Variants in WDFY3 observed in about 807,000 individuals in gnomAD.
The protein encoded by WDFY3 is WD repeat and FYVE domain containing 3, also known as WD repeat and FYVE domain-containing protein 3.
A neutral mutation model predicts 409.6 loss-of-function variants in WDFY3; 66 were observed. The observed-to-expected ratio is 0.16, with a 90% CI of 0.13 to 0.20. The LOEUF (loss-of-function observed/expected upper bound fraction) is 0.20. WDFY3 is among the 10% of genes least tolerant of loss of function. The pLI is 1.00. For missense variants in WDFY3, 3,031 were observed against 4,298.1 expected (o/e 0.71, Z 8.24); for synonymous variants, 1,521 against 1,537.1 (o/e 0.99, Z 0.25).
chr4:84,824,366 A>G (rs1188016135), intron 10 of WDFY3, among the ~76,000 whole-genome samples: 1 of 152,140 alleles, frequency 6.6e-6, no homozygotes, highest in Non-Finnish European at 1.5e-5. Context: ...ATTCAACTTT[A>G]TCATATGTAT....
intron 30 of WDFY3, among the ~76,000 whole-genome samples, chr4:84,767,839 T>C (rs932733207): frequency 6.6e-6 from 1 of 151,876 alleles, no homozygotes; most frequent in Non-Finnish European, 1.5e-5. Flanking sequence ...TAACAGAACA[T>C]TAGGGAGGCT....
chr4:84,931,099 A>G (rs565337533), intron 2 of WDFY3, among the ~76,000 whole-genome samples: 46 of 152,290 alleles, frequency 3.0e-4, no homozygotes, highest in African/African-American at 1.1e-3. Flanking sequence ...CATAGTATAC[A>G]TAGGGTTCCC....
In WDFY3 at chr4:84,794,679, T is replaced by C; in HGVS notation, c.3327A>G (p.Glu1109=). 6.2e-7 allele frequency: 1 copy of C among 1,613,878 alleles called. No homozygotes were observed. Among genetic ancestry groups the C allele is most frequent in the South Asian group, 1.1e-5 (1 of 91,066 alleles). Residue 1109 remains glutamate, a synonymous_variant, in exon 21 of 68, where the codon GAA becomes GAG. Transcript: ENST00000295888. ...GGTTATTTGGAGGAGAACTAAAATGTTCAATACAAAACCAGCTAGAGTAAC... is the reference window on the plus strand; with the variant it reads ...GGTTATTTGGAGGAGAACTAAAATGCTCAATACAAAACCAGCTAGAGTAAC... The part of the protein sequence containing the change: ...GLSYSSWFCI[E]HFSSPPNNHP...
intron 21 of WDFY3, among the ~76,000 whole-genome samples, chr4:84,791,661 A>G (rs948828428): frequency 3.3e-5 from 5 of 152,230 alleles, no homozygotes; most frequent in Non-Finnish European, 7.3e-5. Flanking sequence ...GAGGACAACT[A>G]TCTATTATTA....
At chr4:84,723,816 G>T (rs981064293) in intron 46 of WDFY3, among the ~76,000 whole-genome samples, 1 of 152,132 alleles carries the variant, frequency 6.6e-6, no homozygotes, top group African/African-American at 2.4e-5. Context: ...GATGTGTTAA[G>T]GTAGGGATAA....
intron 2 of WDFY3, among the ~76,000 whole-genome samples, chr4:84,919,721 C>T (rs1769003964): frequency 6.6e-6 from 1 of 152,170 alleles, no homozygotes; most frequent in African/African-American, 2.4e-5. Context: ...GGTGTGTTTG[C>T]TTCCCCTTCC....
At chr4:84,810,521 T>C in intron 13 of WDFY3, 177 bp from the exon 14 acceptor site, 1 of 526,650 alleles carries the variant, frequency 1.9e-6, no homozygotes, top group Non-Finnish European at 3.2e-6. Context: ...AAAGCCACAT[T>C]AAATGCTGAA....
At chr4:84,861,542 C>T (rs1760632889) in intron 3 of WDFY3, among the ~76,000 whole-genome samples, 2 of 152,050 alleles carry the variant, frequency 1.3e-5, no homozygotes, top group South Asian at 4.1e-4. Flanking sequence ...TGACTGAAAA[C>T]TACTTTCTAA....
intron 1 of WDFY3, among the ~76,000 whole-genome samples, chr4:84,946,909 C>A (rs1772915011): frequency 6.6e-6 from 1 of 151,606 alleles, no homozygotes; most frequent in South Asian, 2.1e-4. Context: ...CAGGTTCATG[C>A]CATTCTCCCG....
At chr4:84,684,645 A>G (rs1727991891) in intron 62 of WDFY3, among the ~76,000 whole-genome samples, 2 of 152,102 alleles carry the variant, frequency 1.3e-5, no homozygotes, top group East Asian at 1.9e-4. Flanking sequence ...GTAATATCCT[A>G]TTTTAAAATC....
chr4:84,751,217 T>C, intron 36 of WDFY3: 1 of 492,930 alleles, frequency 2.0e-6, no homozygotes, highest in Non-Finnish European at 3.7e-6. Context: ...TATTTACTAT[T>C]TGGCTTTTTA....
At chr4:84,674,492 C>T (rs113339977) in intron 67 of WDFY3, among the ~76,000 whole-genome samples, 6 of 152,082 alleles carry the variant, frequency 3.9e-5, no homozygotes, top group African/African-American at 1.4e-4. Context: ...ACTGCTTGAG[C>T]CTGGGAGATC....
intron 2 of WDFY3, among the ~76,000 whole-genome samples, chr4:84,920,077 A>G (rs1285023347): frequency 6.6e-6 from 1 of 152,192 alleles, no homozygotes; most frequent in Non-Finnish European, 1.5e-5. Context: ...AACAAAAAAT[A>G]ACTTCTGAAA....
chr4:84,851,643 A>G (rs1759022407), intron 4 of WDFY3, among the ~76,000 whole-genome samples: 3 of 152,220 alleles, frequency 2.0e-5, no homozygotes, highest in Admixed American at 2.0e-4. Context: ...TGTATTGGTT[A>G]CAAATTTTGG....
intron 2 of WDFY3, among the ~76,000 whole-genome samples, chr4:84,928,349 T>G (rs1378645235): frequency 6.6e-6 from 1 of 152,232 alleles, no homozygotes; most frequent in Non-Finnish European, 1.5e-5. Flanking sequence ...TGAGTCATGC[T>G]ACCAGCTTCC....
At chr4:84,911,844 G>A (rs1158958805) in intron 2 of WDFY3, among the ~76,000 whole-genome samples, 19 of 152,134 alleles carry the variant, frequency 1.2e-4, no homozygotes, top group Admixed American at 1.2e-3. Flanking sequence ...ACAGACTGTA[G>A]TACATGGTGC....
In WDFY3 at chr4:84,669,855, C is replaced by T. The variant is rs1345678335; in HGVS notation, c.*3013G>A. 1.3e-5 allele frequency: 2 copies of T among 152,208 alleles called. No homozygotes were observed. Among genetic ancestry groups the T allele is most frequent in the African/African-American group, 4.8e-5 (2 of 41,302 alleles). The allele number at this position is 152,208 out of a possible 1,614,324, so 9.4% of individuals were successfully genotyped here. A position where few individuals can be genotyped will look rare whatever the true frequency, so the allele number is the denominator to read the frequency against. ...AATAATTGGCCATTACTAGGGCTTA[C>T]AAGTTAATAACAGGACAAAAAATAT... is the stretch of plus-strand genomic sequence containing the variant. On this transcript the variant is annotated 3_prime_UTR_variant, in exon 68 of 68. Coordinates refer to ENST00000295888, the MANE Select transcript of WDFY3 (RefSeq NM_014991.6).
intron 7 of WDFY3, among the ~76,000 whole-genome samples, chr4:84,836,026 A>G (rs1756524548): frequency 6.6e-6 from 1 of 152,198 alleles, no homozygotes; most frequent in African/African-American, 2.4e-5. Flanking sequence ...ATTGGGTTAA[A>G]AAAACATGTA....
chr4:84,716,906 T>G lies in WDFY3; in HGVS notation c.7865A>C (p.Tyr2622Ser). 6.3e-7 allele frequency: 1 copy of G among 1,593,018 alleles called. No homozygotes were observed. Among genetic ancestry groups the G allele is most frequent in the Non-Finnish European group, 8.6e-7 (1 of 1,169,352 alleles). The part of the protein sequence containing the change: ...EDIKEVHKRR[Y>S]LLQPIAVEVF... ...ACTAAATTGACTCACCTGCAGGAGA[T>G]ATCTCCTTTTATGAACTTCCTTGAT... Residue 2622 changes from tyrosine to serine, a missense_variant, in exon 49 of 68, where the codon TAT (tyrosine) becomes TCT (serine). By Grantham distance (144) the Tyr-to-Ser change is moderately radical (BLOSUM62 -2). Transcript: ENST00000295888.
Sources: allele counts gnomAD v4.1 joint callset (sites outside exome capture counted in the v4.1 genomes callset), GRCh38; gene constraint gnomAD v4.1.1; transcripts MANE v1.5; gene names NCBI Gene and HGNC (gene_info 2026-07-23, HGNC 2026-07-21).